Variants in SYTL2 observed in about 807,000 individuals in gnomAD.
The protein encoded by SYTL2 is synaptotagmin like 2.
A neutral mutation model predicts 198.7 loss-of-function variants in SYTL2; 165 were observed. The observed-to-expected ratio is 0.83, with a 90% CI of 0.73 to 0.94. The LOEUF (loss-of-function observed/expected upper bound fraction) is 0.94, where lower values mean the gene tolerates loss of function less well. Ranked by LOEUF, SYTL2 falls within the 40% of genes least tolerant of loss-of-function variation. The pLI, the probability that SYTL2 is intolerant of heterozygous loss-of-function variation, is 0.00. For synonymous variants in SYTL2, 966 were observed against 917.7 expected, an observed-to-expected ratio of 1.05 and a Z score of -0.95; for missense variants, 2,835 against 2,582.8, an observed-to-expected ratio of 1.10 and a Z score of -2.12.
intron 1 of SYTL2, among the ~76,000 whole-genome samples, chr11:85,802,246 G>T (rs2092901551): frequency 7.2e-6 from 1 of 139,000 alleles, no homozygotes. Flanking sequence ...TTGTGAGCCG[G>T]AGCCTTGCTC....
intron 1 of SYTL2, among the ~76,000 whole-genome samples, chr11:85,775,778 G>T (rs1355674169): frequency 6.6e-6 from 1 of 152,136 alleles, no homozygotes; most frequent in Non-Finnish European, 1.5e-5. Flanking sequence ...ACCATGCCCA[G>T]CCCACCCTTT....
At chr11:85,800,012 GATCA>G (rs2092861597) in intron 1 of SYTL2, among the ~76,000 whole-genome samples, 1 of 152,164 alleles carries the variant, frequency 6.6e-6, no homozygotes, top group Non-Finnish European at 1.5e-5. Flanking sequence ...TTTCTGTAAA[GATCA>G]ATCATACCAT....
At chr11:85,738,986 A>G (rs1014645160) in intron 4 of SYTL2, among the ~76,000 whole-genome samples, 3 of 152,190 alleles carry the variant, frequency 2.0e-5, no homozygotes, top group African/African-American at 7.2e-5. Flanking sequence ...CAAATCATGT[A>G]GTCCCTACCT....
intron 8 of SYTL2, among the ~76,000 whole-genome samples, chr11:85,722,598 G>T (rs2088515505): frequency 6.6e-6 from 1 of 151,888 alleles, no homozygotes. Flanking sequence ...TTCTCCTGTG[G>T]GTCAGTTTAC....
In SYTL2 at chr11:85,724,696, G is replaced by T; in HGVS notation, c.4662C>A (p.Ala1554=). Residue 1554 remains alanine, a synonymous_variant, in exon 8 of 20, where the codon GCC becomes GCA. Coordinates refer to ENST00000359152, the MANE Select transcript of SYTL2 (RefSeq NM_206927.4). ...PEELKETVEK[A]EAPLITESAF... ...CACTCTCAGTTATTAACGGAGCCTC[G>T]GCCTTTTCTACTGTTTCTTTTAATT... 7.4e-6 allele frequency: 12 copies of T among 1,614,016 alleles called. No individual in the cohort carries two copies. The highest frequency in any genetic ancestry group is 1.0e-5 in the Non-Finnish European group (12 of 1,179,990).
chr11:85,799,604 C>A (rs987155230), intron 1 of SYTL2, among the ~76,000 whole-genome samples: 3 of 152,226 alleles, frequency 2.0e-5, no homozygotes, highest in Admixed American at 6.5e-5. Flanking sequence ...CTCCTGCCAG[C>A]CTTACCTTGA....
Position 85,726,916 on chromosome 11 carries a change from T to G in SYTL2, c.2442A>C (p.Thr814=), listed in dbSNP as rs184014588. 2.3e-5 allele frequency: 35 copies of G among 1,536,506 alleles called. No homozygotes were observed. The East Asian group carries it at 8.1e-4, about 35-fold the overall frequency. The change falls in exon 8 of 20, where the codon ACA becomes ACC. Residue 814 remains threonine, a synonymous_variant. Transcript: ENST00000359152. ...AAGGTTGTTCCTGGCTACATGAAGATGTGGGTTTTTCATGAGTTATCTTAG... is the reference window on the plus strand; with the variant it reads ...AAGGTTGTTCCTGGCTACATGAAGAGGTGGGTTTTTCATGAGTTATCTTAG... ...AGAKITHEKP[T]SSCSQEQPSA... is the part of the protein sequence containing the mutation.
the SYTL2 span, among the ~76,000 whole-genome samples, chr11:85,819,685 T>C: frequency 2.0e-5 from 3 of 152,322 alleles, no homozygotes; most frequent in South Asian, 6.2e-4. Context: ...TCTGGAAGCA[T>C]GTTTCATCAG....
At chr11:85,751,453 G>T (rs1214216081) in intron 2 of SYTL2, among the ~76,000 whole-genome samples, 1 of 152,104 alleles carries the variant, frequency 6.6e-6, no homozygotes, top group Non-Finnish European at 1.5e-5. Flanking sequence ...GTACCATCTA[G>T]ATGAAGAGAG....
At chr11:85,787,520 A>T (rs1428356628) in intron 1 of SYTL2, among the ~76,000 whole-genome samples, 2 of 152,106 alleles carry the variant, frequency 1.3e-5, no homozygotes, top group Admixed American at 6.6e-5. Context: ...GTAAATGTAG[A>T]TAGAGGATGG....
intron 1 of SYTL2, among the ~76,000 whole-genome samples, chr11:85,759,744 C>T (rs2092038926): frequency 6.8e-6 from 1 of 146,398 alleles, no homozygotes; most frequent in African/African-American, 2.5e-5. Context: ...ACAGTAATTA[C>T]TCAAATAAAT....
chr11:85,825,537 G>A, the SYTL2 span, among the ~76,000 whole-genome samples: 1 of 152,346 alleles, frequency 6.6e-6, no homozygotes, highest in Admixed American at 6.5e-5. Flanking sequence ...CACAGGGGAT[G>A]GGTAGGTGAG....
chr11:85,800,731 C>T (rs1272592466), intron 1 of SYTL2, among the ~76,000 whole-genome samples: 1 of 152,184 alleles, frequency 6.6e-6, no homozygotes, highest in African/African-American at 2.4e-5. Context: ...CACTTCCTCA[C>T]ACACCAAGCA....
intron 17 of SYTL2, 123 bp downstream of exon 17, chr11:85,700,392 G>T: frequency 6.1e-6 from 4 of 660,264 alleles, no homozygotes; most frequent in Non-Finnish European, 5.3e-6. Flanking sequence ...AGACTCATTT[G>T]GTCTATACGT....
At chr11:85,735,303 C>T (rs1381293645) in intron 6 of SYTL2, among the ~76,000 whole-genome samples, 1 of 151,904 alleles carries the variant, frequency 6.6e-6, no homozygotes, top group Non-Finnish European at 1.5e-5. Flanking sequence ...ATTTTACACC[C>T]AATACAGAAA....
intron 2 of SYTL2, among the ~76,000 whole-genome samples, chr11:85,755,289 C>CT (rs1565989204): frequency 6.6e-6 from 1 of 152,160 alleles, no homozygotes; most frequent in Non-Finnish European, 1.5e-5. Context: ...TATCTGTGCA[C>CT]TGTCACTGCT....
In SYTL2 at chr11:85,714,338, C is replaced by G. The variant is rs181987175; in HGVS notation, c.5625+75G>C. Reference sequence around the variant, plus strand: ...CTTTGATCTCTGCCACAGTGGAATACAAACACACCAACCTTGGCATAGCAA... The same window carrying G: ...CTTTGATCTCTGCCACAGTGGAATAGAAACACACCAACCTTGGCATAGCAA... On this transcript the variant is annotated intron_variant, in intron 12 of 19. Transcript: ENST00000359152. The G allele has an allele frequency of 5.5e-5, 68 of 1,246,168 alleles. 3 individuals are homozygous for G. In the Middle Eastern group the frequency reaches 9.3e-4, roughly 17 times the overall value. The allele number at this position is 1,246,168 out of a possible 1,614,324, so 77.2% of individuals were successfully genotyped here. A position where few individuals can be genotyped will look rare whatever the true frequency, so the allele number is the denominator to read the frequency against.
intron 19 of SYTL2, 135 bp downstream of exon 19, chr11:85,696,048 A>C (rs921439737): frequency 1.5e-6 from 1 of 686,208 alleles, no homozygotes; most frequent in African/African-American, 1.8e-5. Context: ...TTACTCATTT[A>C]TTTCACTATA....
upstream of SYTL2, among the ~76,000 whole-genome samples, chr11:85,815,478 A>G (rs150512015): frequency 2.0e-3 from 309 of 152,334 alleles, 2 homozygotes; most frequent in African/African-American, 7.2e-3. Context: ...AAAGTATAAA[A>G]CTTTGGCCTT....
Sources: allele counts gnomAD v4.1 joint callset (sites outside exome capture counted in the v4.1 genomes callset), GRCh38; gene constraint gnomAD v4.1.1; transcripts MANE v1.5; gene names NCBI Gene and HGNC (gene_info 2026-07-23, HGNC 2026-07-21).